TMTC2: variants seen among roughly 807,000 people sequenced by gnomAD.
TMTC2 encodes the protein protein O-mannosyl-transferase TMTC2.
In TMTC2, 43 loss-of-function variants were observed where a neutral mutation model predicts 82.4. The observed-to-expected ratio is 0.52, with a 90% CI of 0.41 to 0.67. The LOEUF (loss-of-function observed/expected upper bound fraction) is 0.67, where lower values mean the gene tolerates loss of function less well. Among genes scored for constraint, TMTC2 ranks in the 30% least tolerant of loss-of-function variants. TMTC2 has a pLI of 0.00. For missense variants in TMTC2, 919 were observed against 1,012.4 expected, an observed-to-expected ratio of 0.91 and a Z score of 1.25; for synonymous variants, 408 against 381.9, an observed-to-expected ratio of 1.07 and a Z score of -0.80.
At chr12:83,128,107 T>C (rs953509061) in intron 11 of TMTC2, among the ~76,000 whole-genome samples, 2 of 152,094 alleles carry the variant, frequency 1.3e-5, no homozygotes, top group Non-Finnish European at 2.9e-5. Flanking sequence ...CTGACTGCTT[T>C]GGTTAACATA....
At chr12:82,700,408 A>G (rs1023229437) in intron 1 of TMTC2, among the ~76,000 whole-genome samples, 1 of 152,158 alleles carries the variant, frequency 6.6e-6, no homozygotes, top group Non-Finnish European at 1.5e-5. Context: ...GCATTTAAAG[A>G]TTTTTCATAA....
At chr12:82,970,464 TGGGACTACA>T (rs1203558338) in intron 7 of TMTC2, among the ~76,000 whole-genome samples, 2 of 151,026 alleles carry the variant, frequency 1.3e-5, no homozygotes, top group Non-Finnish European at 2.9e-5. Context: ...CCCGAGTAGC[TGGGACTACA>T]GGCGCCCGCC....
chr12:82,902,723 GGAGA>G (rs1207371264), intron 3 of TMTC2, among the ~76,000 whole-genome samples: 1 of 152,032 alleles, frequency 6.6e-6, no homozygotes, highest in Admixed American at 6.6e-5. Context: ...GGGGAGGGAG[GGAGA>G]GAGTCAAGGG....
intron 4 of TMTC2, among the ~76,000 whole-genome samples, chr12:82,957,390 A>G (rs1877673267): frequency 6.6e-6 from 1 of 152,226 alleles, no homozygotes; most frequent in African/African-American, 2.4e-5. Context: ...AGCCGTGTTA[A>G]GAGAAAGTTC....
Position 83,061,680 on chromosome 12 carries a change from TAA to T in TMTC2, c.2268-84_2268-83del. ...TTGTTTGGTGTGACCAGAATTTTTT[TAA>T]AAATTAACATTATTTTACTGCACAG... On this transcript the variant is annotated intron_variant, in intron 10 of 11. Coordinates refer to ENST00000321196, the MANE Select transcript of TMTC2 (RefSeq NM_152588.3). 1.1e-5 allele frequency: 14 copies of T among 1,231,262 alleles called. 1 individual carries two copies. The South Asian group carries it at 2.2e-4, about 19-fold the overall frequency. The allele number at this position is 1,231,262 out of a possible 1,614,324, so 76.3% of individuals were successfully genotyped here.
intron 11 of TMTC2, among the ~76,000 whole-genome samples, chr12:83,088,163 C>T (rs1592738359): frequency 6.6e-6 from 1 of 152,190 alleles, no homozygotes; most frequent in African/African-American, 2.4e-5. Flanking sequence ...CATGAACAAA[C>T]CTCTGCTAGC....
At chr12:83,058,072 T>A (rs1882610297) in intron 10 of TMTC2, among the ~76,000 whole-genome samples, 1 of 151,848 alleles carries the variant, frequency 6.6e-6, no homozygotes, top group Non-Finnish European at 1.5e-5. Context: ...CATCTTTCTT[T>A]ATAAGACTGT....
intron 9 of TMTC2, among the ~76,000 whole-genome samples, chr12:83,031,570 C>T (rs554080129): frequency 4.6e-5 from 7 of 152,104 alleles, no homozygotes; most frequent in African/African-American, 1.7e-4. Flanking sequence ...TTTAGGGAGC[C>T]AAAAAGCATT....
chr12:83,033,580 G>A (rs1336666261), intron 9 of TMTC2, among the ~76,000 whole-genome samples: 5 of 151,776 alleles, frequency 3.3e-5, no homozygotes, highest in East Asian at 1.9e-4. Flanking sequence ...GAGAAACCCC[G>A]TCTCTACTAA....
At chr12:82,893,738 A>G (rs1483715305) in intron 2 of TMTC2, among the ~76,000 whole-genome samples, 1 of 152,216 alleles carries the variant, frequency 6.6e-6, no homozygotes, top group Non-Finnish European at 1.5e-5. Context: ...AAAAATGGAC[A>G]TATCACCATA....
At chr12:82,974,801 C>G (rs190834905) in intron 7 of TMTC2, among the ~76,000 whole-genome samples, 4 of 152,300 alleles carry the variant, frequency 2.6e-5, no homozygotes, top group African/African-American at 9.6e-5. Context: ...AGGGTACGAT[C>G]TAGTGTAATC....
intron 9 of TMTC2, among the ~76,000 whole-genome samples, chr12:83,048,093 A>G (rs1240129222): frequency 6.6e-6 from 1 of 152,248 alleles, no homozygotes; most frequent in Non-Finnish European, 1.5e-5. Context: ...CACATAATGT[A>G]TTAATGCGTT....
At chr12:82,700,544 T>A (rs1215415333) in intron 1 of TMTC2, among the ~76,000 whole-genome samples, 1 of 152,172 alleles carries the variant, frequency 6.6e-6, no homozygotes. Context: ...TGAAATTTTA[T>A]CCTGAATTTT....
intron 3 of TMTC2, among the ~76,000 whole-genome samples, chr12:82,926,712 A>G (rs1318132464): frequency 6.6e-6 from 1 of 152,180 alleles, no homozygotes; most frequent in Non-Finnish European, 1.5e-5. Context: ...TTATGGGCTA[A>G]TACAACTGGT....
chr12:82,692,681 G>A (rs982480613), intron 1 of TMTC2, among the ~76,000 whole-genome samples: 4 of 152,164 alleles, frequency 2.6e-5, no homozygotes, highest in Admixed American at 1.3e-4. Flanking sequence ...GCAGAGTATT[G>A]TATCAGCTTT....
intron 2 of TMTC2, among the ~76,000 whole-genome samples, chr12:82,865,661 C>T (rs1871808589): frequency 1.3e-5 from 2 of 152,126 alleles, no homozygotes; most frequent in African/African-American, 4.8e-5. Context: ...CCAAGCGGAC[C>T]TAATAGACAT....
chr12:82,692,214 A>G (rs1247847459), intron 1 of TMTC2, among the ~76,000 whole-genome samples: 1 of 152,210 alleles, frequency 6.6e-6, no homozygotes, highest in Non-Finnish European at 1.5e-5. Flanking sequence ...TCATACACAC[A>G]TACACACACA....
At chr12:82,950,445 A>C (rs754926602) in intron 4 of TMTC2, among the ~76,000 whole-genome samples, 7 of 152,218 alleles carry the variant, frequency 4.6e-5, no homozygotes, top group Non-Finnish European at 8.8e-5. Context: ...ATGAATATAC[A>C]ATGTAGTTCT....
intron 1 of TMTC2, among the ~76,000 whole-genome samples, chr12:82,736,412 A>G (rs551847656): frequency 6.6e-6 from 1 of 152,176 alleles, no homozygotes; most frequent in South Asian, 2.1e-4. Flanking sequence ...TCCCATTATC[A>G]TGTTCATATA....
Sources: allele counts gnomAD v4.1 joint callset (sites outside exome capture counted in the v4.1 genomes callset), GRCh38; gene constraint gnomAD v4.1.1; transcripts MANE v1.5; gene names NCBI Gene and HGNC (gene_info 2026-07-23, HGNC 2026-07-21).